The following GPX3 variants were observed in gnomAD, a reference collection of about 807,000 sequenced individuals.
GPX3 encodes the protein glutathione peroxidase 3.
GPX3 carries 22 observed loss-of-function variants against 25.1 expected under a neutral mutation model. The observed-to-expected ratio is 0.88, with a 90% CI of 0.63 to 1.25. The LOEUF (loss-of-function observed/expected upper bound fraction) is 1.25. GPX3 is among the 50% of genes most tolerant of loss of function. The pLI is 0.00. For missense variants in GPX3, 278 were observed against 286.6 expected, an observed-to-expected ratio of 0.97 and a Z score of 0.22; for synonymous variants, 110 against 114.5, an observed-to-expected ratio of 0.96 and a Z score of 0.25.
Position 151,020,701 on chromosome 5 carries a change from C to T in GPX3, c.47C>T (p.Ala16Val), listed in dbSNP as rs777486159. The T allele has an allele frequency of 6.2e-7, 1 of 1,611,536 alleles. No homozygotes were observed. Among genetic ancestry groups the T allele is most frequent in the Non-Finnish European group, 8.5e-7 (1 of 1,179,288 alleles). The part of the protein sequence containing the change: ...QASCLLSLLL[A>V]GFVSQSRGQE... ...TCCTGCCTGCTTTCCCTGCTCCTGGCCGGCTTCGTCTCGCAGAGCCGGGGA... is the reference window on the plus strand; with the variant it reads ...TCCTGCCTGCTTTCCCTGCTCCTGGTCGGCTTCGTCTCGCAGAGCCGGGGA... The change falls in exon 1 of 5, where the codon GCC becomes GTC. Residue 16 changes from alanine (A) to valine (V), a missense_variant. Physicochemically the swap from Ala to Val is moderately conservative, Grantham distance 64. Transcript: ENST00000388825.
rs1756610975 is a variant in GPX3, at chr5:151,028,715, A to G, written c.*585A>G. 1 of 155,280 alleles carries G rather than the reference A, an allele frequency of 6.4e-6. No individual in the cohort carries two copies. Among genetic ancestry groups the G allele is most frequent in the African/African-American group, 2.4e-5 (1 of 41,418 alleles). The allele number at this position is 155,280 out of a possible 1,614,324, so 9.6% of individuals were successfully genotyped here. Reference sequence around the variant, plus strand: ...TCCCCACCCCACAGTTCTCCCTGAGAGAGATCAACCTCCCTGAGATCAACC... The same window carrying G: ...TCCCCACCCCACAGTTCTCCCTGAGGGAGATCAACCTCCCTGAGATCAACC... On this transcript the variant is annotated 3_prime_UTR_variant, in exon 5 of 5. Coordinates refer to ENST00000388825, the MANE Select transcript of GPX3 (RefSeq NM_002084.5).
At chr5:151,025,300 T>G in intron 1 of GPX3, 40 bp from the exon 2 acceptor site, 1 of 1,482,086 alleles carries the variant, frequency 6.7e-7, no homozygotes, top group Non-Finnish European at 9.0e-7. Context: ...TCCAAGTTCC[T>G]TTCCAGCTCT....
chr5:151,023,905 C>T (rs1050394735), intron 1 of GPX3, among the ~76,000 whole-genome samples: 9 of 152,184 alleles, frequency 5.9e-5, no homozygotes, highest in African/African-American at 7.2e-5. Context: ...AATGGCCTGG[C>T]GGAGGAAGCG....
intron 2 of GPX3, 123 bp from the exon 3 acceptor site, chr5:151,026,777 G>A (rs1756554651): frequency 1.4e-6 from 1 of 696,012 alleles, no homozygotes; most frequent in East Asian, 2.5e-5. Flanking sequence ...TCCTGCGCAA[G>A]TCCCTCCCTT....
intron 1 of GPX3, among the ~76,000 whole-genome samples, chr5:151,023,482 G>C (rs1479646062): frequency 6.6e-6 from 1 of 152,148 alleles, no homozygotes; most frequent in African/African-American, 2.4e-5. Flanking sequence ...TAATGAAATA[G>C]GGTTCTCCTT....
intron 2 of GPX3, 101 bp downstream of exon 2, chr5:151,025,594 CGAGAGT>C: frequency 9.6e-7 from 1 of 1,042,746 alleles, no homozygotes; most frequent in Non-Finnish European, 1.4e-6. Flanking sequence ...ATGGCAATCA[CGAGAGT>C]CCAAGCCCCT....
chr5:151,022,009 G>C (rs569633686), intron 1 of GPX3: 1 of 152,178 alleles, frequency 6.6e-6, no homozygotes, highest in Non-Finnish European at 1.5e-5. Context: ...ACCCCTTTTC[G>C]GTCCTCAGCC....
chr5:151,023,550 C>T (rs1429861911), intron 1 of GPX3, among the ~76,000 whole-genome samples: 2 of 152,174 alleles, frequency 1.3e-5, no homozygotes, highest in African/African-American at 4.8e-5. Flanking sequence ...TACAAGTTCC[C>T]ATTATTAGGA....
chr5:151,020,830 TC>T (rs1236825730), intron 1 of GPX3, 89 bp downstream of exon 1: 11 of 1,238,956 alleles, frequency 8.9e-6, no homozygotes, highest in Non-Finnish European at 1.0e-5. Flanking sequence ...TTTCCCAGGC[TC>T]CCCGCCAGAT....
At chr5:151,025,805 ACT>A (rs1441977266) in intron 2 of GPX3, among the ~76,000 whole-genome samples, 1 of 152,114 alleles carries the variant, frequency 6.6e-6, no homozygotes, top group Non-Finnish European at 1.5e-5. Context: ...TGAGATGGTA[ACT>A]GAAGCTCCAT....
At chr5:151,021,442 G>A (rs1756474780) in intron 1 of GPX3, 1 of 152,252 alleles carries the variant, frequency 6.6e-6, no homozygotes, top group Non-Finnish European at 1.5e-5. Flanking sequence ...TGAAGCTGAG[G>A]GCCTCAGAGG....
chr5:151,023,270 G>A (rs187061289), intron 1 of GPX3, among the ~76,000 whole-genome samples: 2 of 152,124 alleles, frequency 1.3e-5, no homozygotes, highest in African/African-American at 2.4e-5. Flanking sequence ...GAGCACAGCC[G>A]TGGCTCTCCA....
At chr5:151,020,904 C>T (rs951109420) in intron 1 of GPX3, 163 bp downstream of exon 1, 24 of 713,470 alleles carry the variant, frequency 3.4e-5, no homozygotes, top group Non-Finnish European at 5.2e-5. Context: ...GCCGCCGGGA[C>T]CCCGCCCCCG....
In GPX3 at chr5:151,025,331, G is replaced by T; in HGVS notation, c.88-9G>T. The T allele has an allele frequency of 6.4e-7, 1 of 1,556,686 alleles. No homozygotes were observed. Among genetic ancestry groups the T allele is most frequent in the Non-Finnish European group, 8.7e-7 (1 of 1,147,702 alleles). ...GCTCTAACTGCTCCTTTTATGGCCT[G>T]TGTTCCAGATGGACTGCCATGGTGG... On this transcript the variant is annotated splice_polypyrimidine_tract_variant and intron_variant, in intron 1 of 4. Coordinates refer to ENST00000388825, the MANE Select transcript of GPX3 (RefSeq NM_002084.5).
rs190352425 is a variant in GPX3, at chr5:151,024,674, T to A, written c.88-666T>A. On this transcript the variant is annotated intron_variant, in intron 1 of 4. Coordinates refer to ENST00000388825, the MANE Select transcript of GPX3 (RefSeq NM_002084.5). The stretch of plus-strand genomic sequence containing the variant: ...ACCAGCCTGCTCAGACCCGGAACAT[T>A]AACACATGCAGGTACTGTTGCTTTT... Among the ~76,000 whole-genome samples the A allele has an allele frequency of 4.6e-3, 700 of 152,232 alleles. 6 individuals are homozygous for A. Among genetic ancestry groups the A allele is most frequent in the African/African-American group, 0.016 (658 of 41,526 alleles).
chr5:151,025,595 G>C, intron 2 of GPX3, 102 bp downstream of exon 2: 1 of 1,012,330 alleles, frequency 9.9e-7, no homozygotes. Flanking sequence ...TGGCAATCAC[G>C]AGAGTCCAAG....
In GPX3 at chr5:151,028,340, T is replaced by A. The variant is rs1756594292; in HGVS notation, c.*210T>A. 1.0e-5 allele frequency: 6 copies of A among 575,270 alleles called. No individual in the cohort carries two copies. Among genetic ancestry groups the A allele is most frequent in the Non-Finnish European group, 1.6e-5 (5 of 318,542 alleles). The allele number at this position is 575,270 out of a possible 1,614,324, so 35.6% of individuals were successfully genotyped here. A position where few individuals can be genotyped will look rare whatever the true frequency, so the allele number is the denominator to read the frequency against. On this transcript the variant is annotated 3_prime_UTR_variant, in exon 5 of 5. Transcript: ENST00000388825. Reference sequence around the variant, plus strand: ...GGGTGTTTACACACATGCCTACAGGTATGCGTGATTGTGTGTGTGTGCATG... The same window carrying A: ...GGGTGTTTACACACATGCCTACAGGAATGCGTGATTGTGTGTGTGTGCATG...
chr5:151,027,742 T>C, intron 4 of GPX3, 167 bp from the exon 5 acceptor site: 1 of 724,344 alleles, frequency 1.4e-6, no homozygotes, highest in Non-Finnish European at 2.5e-6. Flanking sequence ...AGAGTGAACA[T>C]ACTAAGGGTC....
chr5:151,020,900 G>A (rs760581328), intron 1 of GPX3, 159 bp downstream of exon 1: 7 of 724,106 alleles, frequency 9.7e-6, no homozygotes, highest in Admixed American at 2.1e-5. Flanking sequence ...CTCCGCCGCC[G>A]GGACCCCGCC....
Sources: allele counts gnomAD v4.1 joint callset (sites outside exome capture counted in the v4.1 genomes callset), GRCh38; gene constraint gnomAD v4.1.1; transcripts MANE v1.5; gene names NCBI Gene and HGNC (gene_info 2026-07-23, HGNC 2026-07-21).